Variants in LRRC4C observed in about 807,000 individuals in gnomAD.
The protein encoded by LRRC4C is leucine-rich repeat-containing protein 4C.
In LRRC4C, 5 loss-of-function variants were observed where a neutral mutation model predicts 33.6. The ratio of observed to expected loss-of-function variants is 0.15; its 90% CI spans 0.08 to 0.31. The LOEUF (loss-of-function observed/expected upper bound fraction) is 0.31. Among genes scored for constraint, LRRC4C ranks in the 10% least tolerant of loss-of-function variants. The probability of loss-of-function intolerance (pLI) is 1.00; values close to 1 mark genes in which losing one functional copy is unlikely to be tolerated. For synonymous variants in LRRC4C, 329 were observed against 302.0 expected (o/e 1.09, Z -0.93); for missense variants, 560 against 796.7 (o/e 0.70, Z 3.58).
At chr11:40,356,659 G>GA (rs1289633647) in intron 3 of LRRC4C, among the ~76,000 whole-genome samples, 1 of 152,116 alleles carries the variant, frequency 6.6e-6, no homozygotes, top group South Asian at 2.1e-4. Context: ...GATAATCCTG[G>GA]AAAAACAAAA....
intron 4 of LRRC4C, among the ~76,000 whole-genome samples, chr11:40,297,155 T>TA (rs752680472): frequency 7.9e-5 from 12 of 152,136 alleles, no homozygotes; most frequent in Non-Finnish European, 1.6e-4. Context: ...TGCTTAAAAA[T>TA]AAAAAAGTGA....
At chr11:40,123,777 C>A (rs1052215086) in intron 6 of LRRC4C, among the ~76,000 whole-genome samples, 1 of 151,918 alleles carries the variant, frequency 6.6e-6, no homozygotes, top group African/African-American at 2.4e-5. Flanking sequence ...CCCAGAATAG[C>A]CAAAGCTATC....
intron 1 of LRRC4C, among the ~76,000 whole-genome samples, chr11:41,445,865 C>CGCGTGTGTGTGTGTGTGTGT (rs748457357): frequency 7.4e-6 from 1 of 135,450 alleles, no homozygotes; most frequent in Non-Finnish European, 1.6e-5. Flanking sequence ...TGAGTGACTG[C>CGCGTGTGTGTGTGTGTGTGT]ATGTGTGTGT....
intron 2 of LRRC4C, among the ~76,000 whole-genome samples, chr11:40,750,819 AAAG>A (rs1314856722): frequency 6.6e-6 from 1 of 150,638 alleles, no homozygotes; most frequent in African/African-American, 2.5e-5. Context: ...AAAAAAAAAA[AAAG>A]AAAAGTAGAG....
rs974973482 is a variant in LRRC4C, at chr11:41,412,181, C to T, written c.-496+47250G>A. Among the ~76,000 whole-genome samples, 44 of 152,168 alleles carry T rather than the reference C, an allele frequency of 2.9e-4. 1 individual carries two copies. Among genetic ancestry groups the T allele is most frequent in the African/African-American group, 9.2e-4 (38 of 41,518 alleles). On this transcript the variant is annotated intron_variant, in intron 1 of 6. Coordinates refer to ENST00000528697, the MANE Select transcript of LRRC4C (RefSeq NM_001258419.2). ...TAAACATTTATTTCTTGATTTAACC[C>T]ACCAGCACTATGACCCCCGTCACTC...
At chr11:40,532,860 C>T (rs978490085) in intron 3 of LRRC4C, among the ~76,000 whole-genome samples, 9 of 152,092 alleles carry the variant, frequency 5.9e-5, no homozygotes, top group Non-Finnish European at 1.5e-5. Flanking sequence ...TTTCGCATGG[C>T]TGGAGAGGCC....
At chr11:40,984,441 G>C (rs1032449363) in intron 1 of LRRC4C, among the ~76,000 whole-genome samples, 2 of 151,896 alleles carry the variant, frequency 1.3e-5, no homozygotes, top group African/African-American at 2.4e-5. Flanking sequence ...GAAAAAGAAA[G>C]AAAGAAAGAC....
chr11:40,869,235 A>C (rs1203304985), intron 2 of LRRC4C, among the ~76,000 whole-genome samples: 1 of 152,186 alleles, frequency 6.6e-6, no homozygotes, highest in Non-Finnish European at 1.5e-5. Context: ...ACATGTTCAC[A>C]AATTATGTAT....
chr11:41,045,529 T>G (rs940835989), intron 1 of LRRC4C, among the ~76,000 whole-genome samples: 3 of 152,124 alleles, frequency 2.0e-5, no homozygotes, highest in Non-Finnish European at 2.9e-5. Context: ...GTTCCTCTTT[T>G]TCTGAAAACT....
intron 3 of LRRC4C, among the ~76,000 whole-genome samples, chr11:40,417,851 T>C (rs1950384265): frequency 6.6e-6 from 1 of 152,182 alleles, no homozygotes; most frequent in Admixed American, 6.5e-5. Context: ...TTAGGGTTTA[T>C]CTGCTACGCA....
intron 3 of LRRC4C, among the ~76,000 whole-genome samples, chr11:40,340,173 A>G (rs918642644): frequency 6.6e-6 from 1 of 152,092 alleles, no homozygotes; most frequent in East Asian, 1.9e-4. Context: ...TCTACTTCAT[A>G]TCCTATTTTC....
In LRRC4C at chr11:41,326,597, A is replaced by T. The variant is rs572668842; in HGVS notation, c.-496+132834T>A. The stretch of plus-strand genomic sequence containing the variant: ...ATAAAAAATTTAAAAATGCTTTGTG[A>T]TTCACAAAAGTTAAGAATGAGTGAT... On this transcript the variant is annotated intron_variant, in intron 1 of 6. Coordinates refer to ENST00000528697, the MANE Select transcript of LRRC4C (RefSeq NM_001258419.2). Among the ~76,000 whole-genome samples, 13 of 152,342 alleles carry T rather than the reference A, an allele frequency of 8.5e-5. No homozygotes were observed. In the South Asian group the frequency reaches 2.5e-3, roughly 29 times the overall value.
Position 40,451,048 on chromosome 11 carries a change from T to C in LRRC4C, c.-269-131327A>G, listed in dbSNP as rs180912708. Among the ~76,000 whole-genome samples, 443 of 151,872 alleles carry C rather than the reference T, an allele frequency of 2.9e-3. 2 individuals are homozygous for C. Among genetic ancestry groups the C allele is most frequent in the Middle Eastern group, 0.01 (3 of 292 alleles). On this transcript the variant is annotated intron_variant, in intron 3 of 6. Transcript: ENST00000528697. ...AAGTTAATAGATGTAACTCTCTCTA[T>C]ATATATGCATAATATATATATTTAT...
intron 1 of LRRC4C, among the ~76,000 whole-genome samples, chr11:40,987,956 G>T (rs754072811): frequency 1.3e-5 from 2 of 151,708 alleles, no homozygotes; most frequent in Non-Finnish European, 2.9e-5. Flanking sequence ...ACTCCTTGTG[G>T]GATTAAAAAA....
chr11:41,090,856 T>A (rs116395621), intron 1 of LRRC4C, among the ~76,000 whole-genome samples: 2,200 of 152,290 alleles, frequency 0.014, 59 homozygotes, highest in African/African-American at 0.05. Context: ...TTGCCTTCCA[T>A]CATGATTGTA....
At chr11:40,258,237 A>G (rs2136232627) in intron 4 of LRRC4C, among the ~76,000 whole-genome samples, 1 of 152,276 alleles carries the variant, frequency 6.6e-6, no homozygotes, top group South Asian at 2.1e-4. Context: ...TCCAATCTAA[A>G]TGCTCAGACA....
At chr11:40,120,129 G>C (rs941567339) in intron 6 of LRRC4C, among the ~76,000 whole-genome samples, 1 of 152,196 alleles carries the variant, frequency 6.6e-6, no homozygotes, top group Non-Finnish European at 1.5e-5. Context: ...GGAGCTGTGA[G>C]AAAAACATCA....
At chr11:40,278,300 C>T (rs1455927600) in intron 4 of LRRC4C, among the ~76,000 whole-genome samples, 2 of 152,038 alleles carry the variant, frequency 1.3e-5, no homozygotes, top group African/African-American at 4.8e-5. Flanking sequence ...TGGGCAGAAT[C>T]GAGAGATCTG....
intron 1 of LRRC4C, among the ~76,000 whole-genome samples, chr11:41,132,989 G>A (rs1327477506): frequency 6.6e-6 from 1 of 152,156 alleles, no homozygotes; most frequent in African/African-American, 2.4e-5. Flanking sequence ...ATGTGATAGA[G>A]ATCACAATTT....
Sources: allele counts gnomAD v4.1 joint callset (sites outside exome capture counted in the v4.1 genomes callset), GRCh38; gene constraint gnomAD v4.1.1; transcripts MANE v1.5; gene names NCBI Gene and HGNC (gene_info 2026-07-23, HGNC 2026-07-21).